BCAR3: variants seen among roughly 807,000 people sequenced by gnomAD.
BCAR3 encodes the protein breast cancer anti-estrogen resistance protein 3.
Under a neutral mutation model 80.1 loss-of-function variants are expected in BCAR3, and 37 were observed. That is an observed-to-expected ratio of 0.46 (90% CI 0.36 to 0.61). The LOEUF (loss-of-function observed/expected upper bound fraction) is 0.61. Among genes scored for constraint, BCAR3 ranks in the 20% least tolerant of loss-of-function variants. The pLI, the probability that BCAR3 is intolerant of heterozygous loss-of-function variation, is 0.00. For missense variants in BCAR3, 978 were observed against 1,068.2 expected (o/e 0.92, Z 1.18); for synonymous variants, 389 against 418.9 (o/e 0.93, Z 0.87).
At chr1:93,819,633 A>G (rs1654144236) in intron 2 of BCAR3, among the ~76,000 whole-genome samples, 1 of 152,222 alleles carries the variant, frequency 6.6e-6, no homozygotes, top group Admixed American at 6.5e-5. Context: ...TGTATTAAAT[A>G]TTGGACCTTT....
chr1:93,804,923 T>C (rs547943699), intron 2 of BCAR3, among the ~76,000 whole-genome samples: 1 of 152,330 alleles, frequency 6.6e-6, no homozygotes, highest in South Asian at 2.1e-4. Context: ...TAAATACTTA[T>C]GAGTGGAATT....
chr1:93,758,097 T>C (rs1651806637), intron 2 of BCAR3, among the ~76,000 whole-genome samples: 1 of 152,210 alleles, frequency 6.6e-6, no homozygotes, highest in Non-Finnish European at 1.5e-5. Flanking sequence ...CAGCTCCCAC[T>C]GGCTGAAGGC....
chr1:93,616,154 G>T (rs77093058), intron 3 of BCAR3, among the ~76,000 whole-genome samples: 13,692 of 152,198 alleles, frequency 0.09, 783 homozygotes, highest in Non-Finnish European at 0.13. Context: ...GTTACCTGAG[G>T]TTTTCTCTGT....
At chr1:93,826,335 T>A (rs556576201) in intron 2 of BCAR3, among the ~76,000 whole-genome samples, 1 of 152,250 alleles carries the variant, frequency 6.6e-6, no homozygotes, top group African/African-American at 2.4e-5. Context: ...CCTCTTCACT[T>A]TACTCATTCC....
At chr1:93,743,172 G>A (rs1312056249) in intron 2 of BCAR3, among the ~76,000 whole-genome samples, 1 of 152,144 alleles carries the variant, frequency 6.6e-6, no homozygotes, top group Non-Finnish European at 1.5e-5. Context: ...ACTGGTTTGG[G>A]TAACAGAAGA....
chr1:93,573,245 A>G (rs1171778811), intron 8 of BCAR3, among the ~76,000 whole-genome samples: 1 of 152,078 alleles, frequency 6.6e-6, no homozygotes, highest in Non-Finnish European at 1.5e-5. Context: ...AAAAATACAA[A>G]AATGAGCCAG....
chr1:93,747,642 T>C (rs1052457224), intron 2 of BCAR3, among the ~76,000 whole-genome samples: 3 of 151,672 alleles, frequency 2.0e-5, no homozygotes, highest in African/African-American at 7.3e-5. Context: ...CTCTCGTCTC[T>C]CCCATTCCAT....
chr1:93,810,192 C>CAAAAAAAAAAAAA lies in BCAR3; in HGVS notation c.-63+35362_-63+35374dup, dbSNP rs111305058. ...TGGGTGACAGAGCAAGACTCCATCT[C>CAAAAAAAAAAAAA]AAAAAAAAAAAAAAAAGAAATTGCT... On this transcript the variant is annotated intron_variant, in intron 2 of 13. Coordinates refer to the BCAR3 transcript ENST00000370244. Among the ~76,000 whole-genome samples the CAAAAAAAAAAAAA allele has an allele frequency of 8.8e-3, 868 of 98,692 alleles. 18 individuals carry two copies. The highest frequency in any genetic ancestry group is 0.015 in the Non-Finnish European group (665 of 45,460). The allele number at this position is 98,692 out of a possible 152,430, so 64.7% of individuals were successfully genotyped here.
intron 2 of BCAR3, among the ~76,000 whole-genome samples, chr1:93,799,780 G>A (rs1240167832): frequency 6.6e-6 from 1 of 152,152 alleles, no homozygotes; most frequent in South Asian, 2.1e-4. Context: ...AAATAGTTGG[G>A]CTTCCAGTAT....
At chr1:93,638,207 C>T (rs34663884) in intron 3 of BCAR3, among the ~76,000 whole-genome samples, 18,745 of 152,146 alleles carry the variant, frequency 0.12, 1,193 homozygotes, top group Middle Eastern at 0.17. Context: ...CAAGATTGCG[C>T]CACTGTACTC....
At chr1:93,719,707 G>A (rs1010530750) in intron 2 of BCAR3, among the ~76,000 whole-genome samples, 1 of 152,144 alleles carries the variant, frequency 6.6e-6, no homozygotes, top group Admixed American at 6.5e-5. Flanking sequence ...AAGCACTGGT[G>A]ATAAATGCTG....
At chr1:93,740,841 C>T (rs751868140) in intron 2 of BCAR3, among the ~76,000 whole-genome samples, 1 of 152,144 alleles carries the variant, frequency 6.6e-6, no homozygotes, top group African/African-American at 2.4e-5. Context: ...GTAGGGCGGG[C>T]TTTTTGTTTA....
At chr1:93,575,890 C>T (rs532568254) in intron 8 of BCAR3, 124 bp downstream of exon 8, 33 of 710,818 alleles carry the variant, frequency 4.6e-5, no homozygotes, top group South Asian at 1.3e-4. Flanking sequence ...GTAGGCCATG[C>T]GCCCTGAAGT....
At chr1:93,645,029 T>C (rs968562605) in intron 2 of BCAR3, among the ~76,000 whole-genome samples, 1 of 152,176 alleles carries the variant, frequency 6.6e-6, no homozygotes, top group Non-Finnish European at 1.5e-5. Flanking sequence ...GTTGTTTTCA[T>C]AGGTAAATGA....
intron 2 of BCAR3, among the ~76,000 whole-genome samples, chr1:93,820,786 G>A (rs1356399106): frequency 6.6e-6 from 1 of 152,134 alleles, no homozygotes; most frequent in Admixed American, 6.6e-5. Context: ...GAGGTCAGAC[G>A]ATGGGGCTGA....
intron 2 of BCAR3, among the ~76,000 whole-genome samples, chr1:93,734,701 G>A (rs982939439): frequency 1.3e-5 from 2 of 152,140 alleles, no homozygotes; most frequent in Non-Finnish European, 2.9e-5. Context: ...AGCACTCAAG[G>A]CAAATCAGGA....
intron 2 of BCAR3, among the ~76,000 whole-genome samples, chr1:93,782,103 C>T (rs993793420): frequency 3.9e-5 from 6 of 152,260 alleles, no homozygotes; most frequent in South Asian, 2.1e-4. Flanking sequence ...TGGACAGAAC[C>T]GGAATGGAGG....
chr1:93,822,167 T>C (rs1199366040), intron 2 of BCAR3, among the ~76,000 whole-genome samples: 2 of 151,070 alleles, frequency 1.3e-5, no homozygotes, highest in African/African-American at 4.9e-5. Flanking sequence ...GCAATCCATC[T>C]TTGTGATGTT....
intron 2 of BCAR3, among the ~76,000 whole-genome samples, chr1:93,671,402 C>G (rs1176268823): frequency 3.9e-5 from 6 of 152,162 alleles, no homozygotes; most frequent in African/African-American, 1.4e-4. Flanking sequence ...TGGAGGGCCT[C>G]CCTCTGAGCA....
Sources: allele counts gnomAD v4.1 joint callset (sites outside exome capture counted in the v4.1 genomes callset), GRCh38; gene constraint gnomAD v4.1.1; transcripts MANE v1.5; gene names NCBI Gene and HGNC (gene_info 2026-07-23, HGNC 2026-07-21).